PTPRD: variants seen among roughly 807,000 people sequenced by gnomAD.
The protein encoded by PTPRD is receptor-type tyrosine-protein phosphatase delta.
PTPRD carries 34 observed loss-of-function variants against 214.5 expected under a neutral mutation model. The observed-to-expected ratio is 0.16, with a 90% CI of 0.12 to 0.21. The LOEUF (loss-of-function observed/expected upper bound fraction) is 0.21, where lower values mean the gene tolerates loss of function less well. PTPRD is among the 10% of genes least tolerant of loss of function. The pLI is 1.00. For synonymous variants in PTPRD, 1,128 were observed against 845.7 expected (o/e 1.33, Z -5.79); for missense variants, 2,545 against 2,398.7 (o/e 1.06, Z -1.27).
chr9:10,127,831 C>T (rs943027928), intron 3 of PTPRD, among the ~76,000 whole-genome samples: 20 of 152,134 alleles, frequency 1.3e-4, no homozygotes, highest in South Asian at 6.2e-4. Flanking sequence ...ATCAGTCTTC[C>T]GAAGTGGAAG....
chr9:9,776,980 A>G (rs2098803262), intron 5 of PTPRD, among the ~76,000 whole-genome samples: 1 of 152,202 alleles, frequency 6.6e-6, no homozygotes, highest in Non-Finnish European at 1.5e-5. Context: ...TCATTTACTA[A>G]AAATACCTTT....
chr9:9,689,273 T>G (rs536478362), intron 7 of PTPRD, among the ~76,000 whole-genome samples: 1 of 151,944 alleles, frequency 6.6e-6, no homozygotes, highest in East Asian at 1.9e-4. Flanking sequence ...GAGTGAAATA[T>G]GGTAACATCT....
rs546195286 is a variant in PTPRD, at chr9:9,264,309, G to A, written c.-202-80946C>T. ...CACAGATAAACAACTCAACAAGACC[G>A]AAGTTTAATAAAGAAAGAGATAGAA... On this transcript the variant is annotated intron_variant, in intron 9 of 45. Coordinates refer to ENST00000381196, the MANE Select transcript of PTPRD (RefSeq NM_002839.4). Among the ~76,000 whole-genome samples, 25 of 151,622 alleles carry A rather than the reference G, an allele frequency of 1.6e-4. No individual in the cohort carries two copies. The South Asian group carries it at 3.1e-3, about 19-fold the overall frequency.
At chr9:10,042,484 T>C (rs759006264) in intron 3 of PTPRD, among the ~76,000 whole-genome samples, 4 of 151,780 alleles carry the variant, frequency 2.6e-5, no homozygotes, top group Non-Finnish European at 4.4e-5. Flanking sequence ...TGCTCTAGGG[T>C]AGAATTCCAC....
intron 10 of PTPRD, among the ~76,000 whole-genome samples, chr9:9,111,070 G>T (rs73641219): frequency 0.013 from 2,048 of 152,140 alleles, 14 homozygotes; most frequent in Non-Finnish European, 0.016. Context: ...GTCCAACAGG[G>T]AAGATCAGAA....
intron 7 of PTPRD, among the ~76,000 whole-genome samples, chr9:9,714,479 C>A (rs765326738): frequency 2.8e-5 from 4 of 144,136 alleles, no homozygotes; most frequent in Admixed American, 7.3e-5. Flanking sequence ...ATTATAATGA[C>A]AATAAGAATA....
chr9:10,504,679 A>G (rs1342729393), intron 2 of PTPRD, among the ~76,000 whole-genome samples: 1 of 152,192 alleles, frequency 6.6e-6, no homozygotes, highest in Non-Finnish European at 1.5e-5. Flanking sequence ...AGCATTTTAT[A>G]GAGAAAGAAA....
At chr9:9,379,600 G>T (rs575717960) in intron 9 of PTPRD, among the ~76,000 whole-genome samples, 1 of 151,980 alleles carries the variant, frequency 6.6e-6, no homozygotes, top group Non-Finnish European at 1.5e-5. Flanking sequence ...GATTGGGATT[G>T]CATTGAATCT....
At chr9:9,241,661 T>TAAAAAAAAAG (rs1213402225) in intron 9 of PTPRD, among the ~76,000 whole-genome samples, 14 of 152,002 alleles carry the variant, frequency 9.2e-5, no homozygotes, top group Non-Finnish European at 1.6e-4. Flanking sequence ...AGACTAGGAT[T>TAAAAAAAAAG]GCAACCCCTG....
intron 4 of PTPRD, among the ~76,000 whole-genome samples, chr9:9,971,177 G>A (rs1188841007): frequency 6.6e-6 from 1 of 151,980 alleles, no homozygotes; most frequent in Non-Finnish European, 1.5e-5. Context: ...TTAACAATAA[G>A]CTAATTAAAA....
At chr9:10,206,399 C>G (rs912280309) in intron 3 of PTPRD, among the ~76,000 whole-genome samples, 24 of 152,116 alleles carry the variant, frequency 1.6e-4, no homozygotes, top group African/African-American at 5.8e-4. Flanking sequence ...CAACTCCCTC[C>G]CAATAGACAT....
chr9:9,626,095 G>A (rs1000197532), intron 7 of PTPRD, among the ~76,000 whole-genome samples: 6 of 152,174 alleles, frequency 3.9e-5, no homozygotes, highest in South Asian at 4.1e-4. Flanking sequence ...TTAGGTCTAC[G>A]AGCCACAGTT....
At chr9:8,396,829 C>T (rs1418609528) in intron 36 of PTPRD, among the ~76,000 whole-genome samples, 1 of 152,130 alleles carries the variant, frequency 6.6e-6, no homozygotes, top group Non-Finnish European at 1.5e-5. Context: ...TGTGAAACTG[C>T]TCCAGGTTTC....
chr9:9,737,055 C>T (rs757104783), intron 6 of PTPRD, among the ~76,000 whole-genome samples: 14 of 151,976 alleles, frequency 9.2e-5, no homozygotes, highest in South Asian at 2.1e-4. Context: ...TTGCCTTTCA[C>T]GTCTAATCCA....
chr9:9,418,679 A>G (rs911882217), intron 8 of PTPRD, among the ~76,000 whole-genome samples: 1 of 152,020 alleles, frequency 6.6e-6, no homozygotes, highest in Admixed American at 6.6e-5. Context: ...TGTCTACATC[A>G]TAAGATACCT....
At chr9:10,039,165 A>G (rs1301177089) in intron 3 of PTPRD, among the ~76,000 whole-genome samples, 1 of 152,150 alleles carries the variant, frequency 6.6e-6, no homozygotes, top group Admixed American at 6.6e-5. Context: ...CATCAAAATT[A>G]TAATTGAATT....
At chr9:8,652,677 T>G (rs560043299) in intron 12 of PTPRD, among the ~76,000 whole-genome samples, 20 of 152,344 alleles carry the variant, frequency 1.3e-4, no homozygotes, top group African/African-American at 4.8e-4. Context: ...TTGGCCTTTT[T>G]GCACCACTCT....
intron 25 of PTPRD, among the ~76,000 whole-genome samples, chr9:8,497,527 G>A (rs890356634): frequency 6.6e-6 from 1 of 152,156 alleles, no homozygotes; most frequent in African/African-American, 2.4e-5. Context: ...ACATAGCAAT[G>A]AGGCACAGAA....
intron 5 of PTPRD, among the ~76,000 whole-genome samples, chr9:9,900,843 G>T (rs2076237167): frequency 6.6e-6 from 1 of 151,884 alleles, no homozygotes; most frequent in African/African-American, 2.4e-5. Context: ...CACCATGTTG[G>T]CTAGGATGGT....
Sources: allele counts gnomAD v4.1 joint callset (sites outside exome capture counted in the v4.1 genomes callset), GRCh38; gene constraint gnomAD v4.1.1; transcripts MANE v1.5; gene names NCBI Gene and HGNC (gene_info 2026-07-23, HGNC 2026-07-21).